The following KCNB2 variants were observed in gnomAD, a reference collection of about 807,000 sequenced individuals.
KCNB2 encodes the protein potassium voltage-gated channel subfamily B member 2.
KCNB2 carries 15 observed loss-of-function variants against 61.5 expected under a neutral mutation model. That is an observed-to-expected ratio of 0.24 (90% CI 0.16 to 0.38). The LOEUF is 0.38. Ranked by LOEUF, KCNB2 falls within the 10% of genes least tolerant of loss-of-function variation. KCNB2 has a pLI of 1.00. For synonymous variants in KCNB2, 457 were observed against 446.0 expected (o/e 1.02, Z -0.31); for missense variants, 828 against 1,125.2 (o/e 0.74, Z 3.78).
At chr8:72,582,773 C>G (rs1287741445) in intron 2 of KCNB2, among the ~76,000 whole-genome samples, 4 of 152,130 alleles carry the variant, frequency 2.6e-5, no homozygotes, top group South Asian at 4.1e-4. Context: ...CCACCACACC[C>G]AACTAATTTT....
At chr8:72,782,681 A>G (rs1808781976) in intron 2 of KCNB2, among the ~76,000 whole-genome samples, 1 of 152,188 alleles carries the variant, frequency 6.6e-6, no homozygotes, top group East Asian at 1.9e-4. Context: ...CTTTTTCTGA[A>G]TAACTCCTGT....
intron 2 of KCNB2, among the ~76,000 whole-genome samples, chr8:72,621,385 G>A (rs1585789963): frequency 6.6e-6 from 1 of 152,156 alleles, no homozygotes; most frequent in Non-Finnish European, 1.5e-5. Flanking sequence ...TTGAAAGATG[G>A]GATGGAGTAT....
At chr8:72,541,827 C>G (rs1806192005) in intron 1 of KCNB2, among the ~76,000 whole-genome samples, 1 of 152,048 alleles carries the variant, frequency 6.6e-6, no homozygotes, top group African/African-American at 2.4e-5. Context: ...TTTTCATTTT[C>G]AGGTTCTTTA....
At chr8:72,890,909 A>G (rs1805886474) in intron 2 of KCNB2, among the ~76,000 whole-genome samples, 1 of 152,236 alleles carries the variant, frequency 6.6e-6, no homozygotes, top group South Asian at 2.1e-4. Flanking sequence ...ATGGTGGCTT[A>G]TTACATAAAT....
intron 2 of KCNB2, among the ~76,000 whole-genome samples, chr8:72,870,375 T>C (rs1336205936): frequency 2.0e-5 from 3 of 152,196 alleles, no homozygotes; most frequent in Non-Finnish European, 4.4e-5. Flanking sequence ...AAAAAACATA[T>C]TAAAATTGTA....
chr8:72,830,270 T>C (rs998232508), intron 2 of KCNB2, among the ~76,000 whole-genome samples: 10 of 99,896 alleles, frequency 1.0e-4, no homozygotes, highest in African/African-American at 2.8e-4. Flanking sequence ...GAGGGGAAAA[T>C]AGAGTGAGAG....
At chr8:72,596,978 ATGCTTGCTTGCT>A (rs1168366310) in intron 2 of KCNB2, among the ~76,000 whole-genome samples, 1 of 131,120 alleles carries the variant, frequency 7.6e-6, no homozygotes, top group Admixed American at 7.8e-5. Context: ...GCCAACCAGC[ATGCTTGCTTGCT>A]TGCTTGCTTG....
intron 2 of KCNB2, among the ~76,000 whole-genome samples, chr8:72,836,314 A>C (rs2129002236): frequency 6.6e-6 from 1 of 152,374 alleles, no homozygotes. Flanking sequence ...ATGGTAAATG[A>C]AACAACAATT....
chr8:72,604,745 G>A (rs1006927876), intron 2 of KCNB2, among the ~76,000 whole-genome samples: 3 of 152,160 alleles, frequency 2.0e-5, no homozygotes, highest in Admixed American at 6.5e-5. Context: ...AAGTGTTTTT[G>A]TGGTTTTAAA....
At chr8:72,754,806 G>A (rs1360380908) in intron 2 of KCNB2, among the ~76,000 whole-genome samples, 1 of 152,146 alleles carries the variant, frequency 6.6e-6, no homozygotes, top group Admixed American at 6.5e-5. Flanking sequence ...TGAAAAATCA[G>A]CAAATCAGAA....
In KCNB2 at chr8:72,724,189, C is replaced by T. The variant is rs190777205; in HGVS notation, c.579+155876C>T. 4.8e-4 allele frequency among the ~76,000 whole-genome samples: 73 copies of T among 152,256 alleles called. No individual in the cohort carries two copies. The East Asian group carries it at 9.4e-3, about 20-fold the overall frequency. Reference sequence around the variant, plus strand: ...TATTTCGTCTTCCTTGAGGATATCACGTGTCACTGTCTGCTTTGTATTTTT... The same window carrying T: ...TATTTCGTCTTCCTTGAGGATATCATGTGTCACTGTCTGCTTTGTATTTTT... On this transcript the variant is annotated intron_variant, in intron 2 of 2. Coordinates refer to ENST00000523207, the MANE Select transcript of KCNB2 (RefSeq NM_004770.3).
At position 72,870,361 on chromosome 8, in the gene KCNB2, T is replaced by G. The variant is rs1805596653; in HGVS notation, c.580-65574T>G. On this transcript the variant is annotated intron_variant, in intron 2 of 2. Transcript: ENST00000523207. ...TGTTCTTACTGCAGTAAAAATACATTTTAAAAAAACATATTAAAATTGTAT... is the reference window on the plus strand; with the variant it reads ...TGTTCTTACTGCAGTAAAAATACATGTTAAAAAAACATATTAAAATTGTAT... 4.6e-5 allele frequency among the ~76,000 whole-genome samples: 7 copies of G among 152,214 alleles called. No homozygotes were observed. In the South Asian group the frequency reaches 1.5e-3, roughly 32 times the overall value.
chr8:72,867,501 C>G (rs1374813021), intron 2 of KCNB2, among the ~76,000 whole-genome samples: 1 of 152,052 alleles, frequency 6.6e-6, no homozygotes, highest in Non-Finnish European at 1.5e-5. Context: ...CAAAACAAAA[C>G]AAAGCAGTGG....
At position 72,778,566 on chromosome 8, in the gene KCNB2, G is replaced by A. The variant is rs112933257; in HGVS notation, c.580-157369G>A. Among the ~76,000 whole-genome samples, 459 of 150,464 alleles carry A rather than the reference G, an allele frequency of 3.1e-3. 2 individuals carry two copies. Among genetic ancestry groups the A allele is most frequent in the African/African-American group, 0.011 (437 of 40,952 alleles). On this transcript the variant is annotated intron_variant, in intron 2 of 2. Transcript: ENST00000523207. ...CAGCCTGGGAAACATGGAGAAACCC[G>A]GTCTCTACAAAGAATAAAATTTACT...
chr8:72,768,218 C>T (rs972341705), intron 2 of KCNB2, among the ~76,000 whole-genome samples: 7 of 152,082 alleles, frequency 4.6e-5, no homozygotes, highest in African/African-American at 1.7e-4. Flanking sequence ...ACCCTGTTGC[C>T]CAGGCTGGAG....
chr8:72,929,701 C>T (rs1223414456), intron 2 of KCNB2, among the ~76,000 whole-genome samples: 2 of 152,138 alleles, frequency 1.3e-5, no homozygotes, highest in African/African-American at 4.8e-5. Context: ...TTGCAGATGA[C>T]CTAATCCAAA....
chr8:72,762,700 C>A (rs919522980), intron 2 of KCNB2, among the ~76,000 whole-genome samples: 3 of 151,934 alleles, frequency 2.0e-5, no homozygotes, highest in African/African-American at 4.8e-5. Flanking sequence ...AGGGAGCTTG[C>A]CTATAGAAAG....
intron 2 of KCNB2, among the ~76,000 whole-genome samples, chr8:72,706,706 C>G (rs1307755049): frequency 6.6e-6 from 1 of 152,150 alleles, no homozygotes; most frequent in Non-Finnish European, 1.5e-5. Context: ...AAAAAATATG[C>G]TGATAATTTT....
chr8:72,571,805 G>A (rs1806715098), intron 2 of KCNB2, among the ~76,000 whole-genome samples: 2 of 152,198 alleles, frequency 1.3e-5, no homozygotes, highest in Non-Finnish European at 2.9e-5. Flanking sequence ...GCAAGGGGAA[G>A]AAAAGGGCTC....
Sources: allele counts gnomAD v4.1 joint callset (sites outside exome capture counted in the v4.1 genomes callset), GRCh38; gene constraint gnomAD v4.1.1; transcripts MANE v1.5; gene names NCBI Gene and HGNC (gene_info 2026-07-23, HGNC 2026-07-21).